SLC25A30: variants seen among roughly 807,000 people sequenced by gnomAD.
SLC25A30 encodes the protein solute carrier family 25 member 30.
Under a neutral mutation model 42.7 loss-of-function variants are expected in SLC25A30, and 29 were observed. The ratio of observed to expected loss-of-function variants is 0.68; its 90% CI spans 0.51 to 0.93. The LOEUF (loss-of-function observed/expected upper bound fraction) is 0.93. Among genes scored for constraint, SLC25A30 ranks in the 40% least tolerant of loss-of-function variants. The pLI is 0.00. For missense variants in SLC25A30, 300 were observed against 359.7 expected (o/e 0.83, Z 1.34); for synonymous variants, 124 against 131.0 (o/e 0.95, Z 0.37).
At chr13:45,424,641 A>G in the SLC25A30 span, among the ~76,000 whole-genome samples, 1 of 36,466 alleles carries the variant, frequency 2.7e-5, no homozygotes, top group Non-Finnish European at 4.8e-5. Context: ...ATGTATATAA[A>G]CATAAATATA....
the SLC25A30 span, among the ~76,000 whole-genome samples, chr13:45,433,819 C>A: frequency 3.3e-5 from 5 of 152,232 alleles, no homozygotes; most frequent in Non-Finnish European, 7.3e-5. Context: ...CACATATACA[C>A]ACAAACACAC....
At position 45,411,554 on chromosome 13, in the gene SLC25A30, A is replaced by AG. The variant is rs1883031059; in HGVS notation, c.-55-75dup. Reference sequence around the variant, plus strand: ...AGTTTCTTCTCCAAACTCTTCCCCTAGGTTTTATTTGGAGAGTGCTATCAC... The same window carrying AG: ...AGTTTCTTCTCCAAACTCTTCCCCTAGGGTTTTATTTGGAGAGTGCTATCAC... On this transcript the variant is annotated intron_variant, in intron 1 of 9. Coordinates refer to ENST00000519676, the MANE Select transcript of SLC25A30 (RefSeq NM_001010875.4). 3.1e-6 allele frequency: 3 copies of AG among 965,242 alleles called. No homozygotes were observed. In the East Asian group the frequency reaches 8.0e-5, roughly 26 times the overall value. The allele number at this position is 965,242 out of a possible 1,614,324, so 59.8% of individuals were successfully genotyped here. A position where few individuals can be genotyped will look rare whatever the true frequency, so the allele number is the denominator to read the frequency against.
chr13:45,405,756 C>T, intron 4 of SLC25A30, 127 bp downstream of exon 4: 3 of 756,030 alleles, frequency 4.0e-6, no homozygotes, highest in Non-Finnish European at 2.2e-6. Flanking sequence ...TAAGACTTTA[C>T]ACCCAGAGTT....
chr13:45,423,106 C>T (rs139269274), upstream of SLC25A30, among the ~76,000 whole-genome samples: 1 of 152,228 alleles, frequency 6.6e-6, no homozygotes, highest in African/African-American at 2.4e-5. Context: ...TCTTAGTGCT[C>T]AGCATAGCAC....
the SLC25A30 span, among the ~76,000 whole-genome samples, chr13:45,433,564 C>G: frequency 6.6e-6 from 1 of 152,204 alleles, no homozygotes; most frequent in Non-Finnish European, 1.5e-5. Flanking sequence ...TGAGAACAGA[C>G]TGTCATGCTC....
Position 45,397,245 on chromosome 13 carries a change from C to G in SLC25A30, c.834+13G>C. On this transcript the variant is annotated intron_variant, in intron 9 of 9. Coordinates refer to ENST00000519676, the MANE Select transcript of SLC25A30 (RefSeq NM_001010875.4). Reference sequence around the variant, plus strand: ...GTATCTTTTTTCAGATCTATTGCAACAGAAAAGGATACAATGATATTCCAA... The same window carrying G: ...GTATCTTTTTTCAGATCTATTGCAAGAGAAAAGGATACAATGATATTCCAA... 1 of 1,563,222 alleles carries G rather than the reference C, an allele frequency of 6.4e-7. No homozygotes were observed. Among genetic ancestry groups the G allele is most frequent in the Non-Finnish European group, 8.8e-7 (1 of 1,136,968 alleles).
chr13:45,416,109 A>C (rs1000465884), intron 1 of SLC25A30, among the ~76,000 whole-genome samples: 1 of 151,430 alleles, frequency 6.6e-6, no homozygotes, highest in Admixed American at 6.6e-5. Flanking sequence ...AAATTTTTTA[A>C]AGTTAAAAAC....
At chr13:45,396,969 C>T (rs1402787282) in intron 9 of SLC25A30, 1 of 331,754 alleles carries the variant, frequency 3.0e-6, no homozygotes, top group African/African-American at 2.2e-5. Flanking sequence ...ATCCTCCTCT[C>T]TCTCTCTCTG....
chr13:45,425,254 AT>A, the SLC25A30 span, among the ~76,000 whole-genome samples: 1 of 105,682 alleles, frequency 9.5e-6, no homozygotes, highest in African/African-American at 3.9e-5. Flanking sequence ...ATAAATATAT[AT>A]ACGTATATAT....
At chr13:45,425,629 A>C in the SLC25A30 span, among the ~76,000 whole-genome samples, 10,861 of 52,494 alleles carry the variant, frequency 0.21, 1,967 homozygotes, top group African/African-American at 0.28. Flanking sequence ...TATATATATA[A>C]GTATATATAA....
the SLC25A30 span, among the ~76,000 whole-genome samples, chr13:45,426,315 G>A: frequency 6.6e-6 from 1 of 151,392 alleles, no homozygotes; most frequent in South Asian, 2.1e-4. Context: ...TCAATCTCTT[G>A]ACCTCGTGAT....
intron 7 of SLC25A30, among the ~76,000 whole-genome samples, chr13:45,399,796 AC>A (rs1198572670): frequency 1.3e-5 from 2 of 151,994 alleles, no homozygotes; most frequent in Non-Finnish European, 2.9e-5. Flanking sequence ...AGATCTCCTT[AC>A]TATAATGCCC....
Position 45,395,624 on chromosome 13 carries a change from G to A in SLC25A30, c.*350C>T. 8.5e-7 allele frequency: 1 copy of A among 1,170,122 alleles called. No homozygotes were observed. Among genetic ancestry groups the A allele is most frequent in the Non-Finnish European group, 1.1e-6 (1 of 934,934 alleles). The allele number at this position is 1,170,122 out of a possible 1,614,324, so 72.5% of individuals were successfully genotyped here. A position where few individuals can be genotyped will look rare whatever the true frequency, so the allele number is the denominator to read the frequency against. ...CTAGAGCAGTCTGATTCTCAGTCAT[G>A]AGCTGAGATGCATCAGGAGCTACTC... On this transcript the variant is annotated 3_prime_UTR_variant, in exon 10 of 10. Coordinates refer to ENST00000519676, the MANE Select transcript of SLC25A30 (RefSeq NM_001010875.4).
the SLC25A30 span, among the ~76,000 whole-genome samples, chr13:45,425,477 C>CATAT: frequency 1.0e-5 from 1 of 96,498 alleles, no homozygotes; most frequent in South Asian, 2.8e-4. Flanking sequence ...TATATATAAG[C>CATAT]ATATATAAAT....
At chr13:45,432,219 G>A in the SLC25A30 span, among the ~76,000 whole-genome samples, 2 of 149,772 alleles carry the variant, frequency 1.3e-5, no homozygotes, top group Admixed American at 6.7e-5. Context: ...GCAGTGAGCC[G>A]AGATCATATC....
In SLC25A30 at chr13:45,396,838, C is replaced by T. The variant is rs529589905; in HGVS notation, c.834+420G>A. 1.3e-3 allele frequency: 228 copies of T among 172,616 alleles called. 1 individual carries two copies. The highest frequency in any genetic ancestry group is 5.3e-3 in the African/African-American group (220 of 41,728). 10.7% of individuals were successfully genotyped at this position (172,616 alleles called of 1,614,324 possible). A position where few individuals can be genotyped will look rare whatever the true frequency, so the allele number is the denominator to read the frequency against. ...CCCACTGTGGCACATAGGAAGCGTG[C>T]TGGCCTGCCAAACAATTCCGGAGCT... On this transcript the variant is annotated intron_variant, in intron 9 of 9. Transcript: ENST00000519676.
chr13:45,423,592 T>TATATATATAAAAATATATATAAA, the SLC25A30 span, among the ~76,000 whole-genome samples: 42 of 23,738 alleles, frequency 1.8e-3, 5 homozygotes, highest in African/African-American at 3.7e-3. Flanking sequence ...TATATATAAA[T>TATATATATAAAAATATATATAAA]ATATATATAT....
At chr13:45,426,559 G>T in the SLC25A30 span, among the ~76,000 whole-genome samples, 1 of 152,088 alleles carries the variant, frequency 6.6e-6, no homozygotes, top group Non-Finnish European at 1.5e-5. Context: ...AAATATTGCA[G>T]TCTGGTCTCA....
chr13:45,406,349 G>A (rs1378368587), intron 3 of SLC25A30, among the ~76,000 whole-genome samples: 1 of 152,160 alleles, frequency 6.6e-6, no homozygotes, highest in Non-Finnish European at 1.5e-5. Context: ...TGGGATTACA[G>A]GCATGAGCCA....
Sources: allele counts gnomAD v4.1 joint callset (sites outside exome capture counted in the v4.1 genomes callset), GRCh38; gene constraint gnomAD v4.1.1; transcripts MANE v1.5; gene names NCBI Gene and HGNC (gene_info 2026-07-23, HGNC 2026-07-21).